Variants in TRAK1 observed in about 807,000 individuals in gnomAD.
TRAK1 encodes trafficking kinesin protein 1, also known as trafficking kinesin-binding protein 1.
TRAK1 carries 33 observed loss-of-function variants against 92.1 expected under a neutral mutation model. The ratio of observed to expected loss-of-function variants is 0.36; its 90% CI spans 0.27 to 0.48. TRAK1 has a LOEUF of 0.48. TRAK1 is among the 20% of genes least tolerant of loss of function. TRAK1 has a pLI of 0.99. For missense variants in TRAK1, 1,123 were observed against 1,257.9 expected, an observed-to-expected ratio of 0.89 and a Z score of 1.62; for synonymous variants, 521 against 517.3, an observed-to-expected ratio of 1.01 and a Z score of -0.10.
At chr3:42,013,267 C>CT (rs1701376332), upstream of TRAK1, among the ~76,000 whole-genome samples, 3 of 152,200 alleles carry the variant, frequency 2.0e-5, no homozygotes, top group African/African-American at 7.2e-5. This position sits in a 1 kb window ranked among gnomAD's most constrained non-coding sequence, Gnocchi z 5.1. Flanking sequence ...AGGAACAGAA[C>CT]GCCTGGACTT....
chr3:42,218,748 AT>A (rs749385852), intron 14 of TRAK1: 44 of 985,226 alleles, frequency 4.5e-5, no homozygotes, highest in Non-Finnish European at 5.2e-5. Flanking sequence ...TTGCCATCCC[AT>A]TTTCATTAGA....
intron 1 of TRAK1, among the ~76,000 whole-genome samples, chr3:42,048,701 A>C (rs1702859903): frequency 6.6e-6 from 1 of 151,706 alleles, no homozygotes; most frequent in Non-Finnish European, 1.5e-5. Context: ...AGCTGGGACC[A>C]CAGGCGCACA....
chr3:42,121,259 CTTTTT>C (rs397959962), intron 1 of TRAK1, among the ~76,000 whole-genome samples: 2 of 131,784 alleles, frequency 1.5e-5, no homozygotes, highest in Admixed American at 7.6e-5. Context: ...CTGGGGAATT[CTTTTT>C]TTTTTTTTTT....
intron 1 of TRAK1, among the ~76,000 whole-genome samples, chr3:42,025,501 T>C (rs1295497834): frequency 6.6e-6 from 1 of 152,216 alleles, no homozygotes; most frequent in Non-Finnish European, 1.5e-5. Flanking sequence ...CCATATTTTA[T>C]TTCTGGTATT....
At chr3:42,084,542 G>A (rs1704583865), upstream of TRAK1, among the ~76,000 whole-genome samples, 2 of 152,360 alleles carry the variant, frequency 1.3e-5, no homozygotes, top group South Asian at 4.1e-4. Flanking sequence ...AACTTGCCCA[G>A]CATGGAGAAG....
intron 3 of TRAK1, among the ~76,000 whole-genome samples, chr3:42,181,155 A>G (rs1703946589): frequency 6.6e-6 from 1 of 152,184 alleles, no homozygotes; most frequent in Admixed American, 6.5e-5. Context: ...AGCCTTCCGC[A>G]TCCTTCAGGT....
At chr3:42,200,270 A>G (rs1224385465) in intron 11 of TRAK1, among the ~76,000 whole-genome samples, 2 of 152,242 alleles carry the variant, frequency 1.3e-5, no homozygotes, top group Non-Finnish European at 2.9e-5. Flanking sequence ...ATGAGCATCA[A>G]AGTGGTTCTG....
At chr3:42,029,785 G>A (rs1249779940) in intron 1 of TRAK1, among the ~76,000 whole-genome samples, 1 of 152,170 alleles carries the variant, frequency 6.6e-6, no homozygotes, top group Admixed American at 6.5e-5. Context: ...CTGGCCTCAA[G>A]TGATCCACCC....
rs116430007 is a variant in TRAK1, at chr3:42,214,165, G to A, written c.1963+4180G>A. Reference sequence around the variant, plus strand: ...TCTGAACACTACAGAGGGCCCCCTGGTGCTCCTAGAGGCACGTGGGTTGCT... The same window carrying A: ...TCTGAACACTACAGAGGGCCCCCTGATGCTCCTAGAGGCACGTGGGTTGCT... On this transcript the variant is annotated intron_variant, in intron 14 of 15. Transcript: ENST00000327628. 4.5e-3 allele frequency among the ~76,000 whole-genome samples: 685 copies of A among 152,244 alleles called. 7 individuals are homozygous for A. Among genetic ancestry groups the A allele is most frequent in the African/African-American group, 0.016 (652 of 41,546 alleles).
chr3:42,147,780 T>C (rs965986194), intron 2 of TRAK1, among the ~76,000 whole-genome samples: 3 of 152,166 alleles, frequency 2.0e-5, no homozygotes, highest in African/African-American at 7.2e-5. Context: ...CAAGGCCCAA[T>C]GATAAGGGCC....
intron 1 of TRAK1, among the ~76,000 whole-genome samples, chr3:42,098,681 T>C (rs1242409118): frequency 6.6e-6 from 1 of 152,180 alleles, no homozygotes; most frequent in Non-Finnish European, 1.5e-5. Flanking sequence ...TGAGGCCTTA[T>C]CTGGTCCAGG....
At chr3:42,107,429 T>C (rs1265471123) in intron 1 of TRAK1, among the ~76,000 whole-genome samples, 3 of 151,854 alleles carry the variant, frequency 2.0e-5, no homozygotes, top group African/African-American at 7.3e-5. Context: ...GGGGAATTGC[T>C]TGAACCCAGG....
chr3:42,121,900 T>A (rs1021599722), intron 1 of TRAK1, among the ~76,000 whole-genome samples: 1 of 151,776 alleles, frequency 6.6e-6, no homozygotes, highest in South Asian at 2.1e-4. Context: ...TTACTGTAAC[T>A]TCTGCCTCCC....
At chr3:42,179,116 C>A (rs180976497) in intron 3 of TRAK1, among the ~76,000 whole-genome samples, 1 of 152,200 alleles carries the variant, frequency 6.6e-6, no homozygotes, top group Non-Finnish European at 1.5e-5. Flanking sequence ...CCGTACCCAG[C>A]CTGTTTTATT....
intron 1 of TRAK1, among the ~76,000 whole-genome samples, chr3:42,095,821 A>G (rs142520852): frequency 2.0e-5 from 3 of 152,338 alleles, no homozygotes; most frequent in African/African-American, 7.2e-5. Context: ...CCTAATCAGC[A>G]GTGCAATGGT....
chr3:42,098,648 A>G (rs1054061977), intron 1 of TRAK1, among the ~76,000 whole-genome samples: 10 of 152,060 alleles, frequency 6.6e-5, no homozygotes, highest in Non-Finnish European at 1.2e-4. Context: ...GTTTTGCCCT[A>G]ATTTACAAAT....
At chr3:42,203,705 C>T (rs953510712) in intron 13 of TRAK1, 1 of 984,984 alleles carries the variant, frequency 1.0e-6, no homozygotes, top group Non-Finnish European at 1.2e-6. Context: ...CAGAACTTTC[C>T]CAACTTTAAA....
At chr3:42,215,885 A>G (rs1169452079) in intron 14 of TRAK1, among the ~76,000 whole-genome samples, 5 of 152,124 alleles carry the variant, frequency 3.3e-5, no homozygotes, top group Admixed American at 1.3e-4. Context: ...CCATAGCAAC[A>G]TGCCAAGTAC....
At position 42,202,708 on chromosome 3, in the gene TRAK1, GCTC is replaced by G; in HGVS notation, c.1703_1705del (p.Ser568del). The G allele has an allele frequency of 6.2e-7, 1 of 1,613,868 alleles. No homozygotes were observed. The highest frequency in any genetic ancestry group is 8.5e-7 in the Non-Finnish European group (1 of 1,179,918). ...TTCTCTGGCATGTCCTTCAGCAGCC[GCTC>G]CTACCTGCCTGAGAAGCTCCAGATC... On this transcript the variant is annotated inframe_deletion, in exon 13 of 16. Coordinates refer to ENST00000327628, the MANE Select transcript of TRAK1 (RefSeq NM_001042646.3). This position sits in a 1 kb window ranked among gnomAD's most constrained non-coding sequence, Gnocchi z 6.1.
Sources: gnomAD v4.1 joint callset for allele counts (sites outside exome capture counted in the v4.1 genomes callset) on GRCh38, gnomAD v4.1.1 for gene constraint, Gnocchi (gnomAD v3.1) non-coding constraint, MANE v1.5 for transcripts, NCBI Gene and HGNC (gene_info 2026-07-23, HGNC 2026-07-21) for gene names.